Variants in CPEB3 observed in about 807,000 individuals in gnomAD.
CPEB3 encodes the protein cytoplasmic polyadenylation element binding protein 3, also known as cytoplasmic polyadenylation element-binding protein 3.
Under a neutral mutation model 67.2 loss-of-function variants are expected in CPEB3, and 20 were observed. The observed-to-expected ratio is 0.30, with a 90% CI of 0.21 to 0.43. CPEB3 has a LOEUF of 0.43. Among genes scored for constraint, CPEB3 ranks in the 20% least tolerant of loss-of-function variants. The probability of loss-of-function intolerance (pLI) is 1.00; values close to 1 mark genes in which losing one functional copy is unlikely to be tolerated. For synonymous variants in CPEB3, 376 were observed against 393.1 expected, an observed-to-expected ratio of 0.96 and a Z score of 0.51; for missense variants, 746 against 968.6, an observed-to-expected ratio of 0.77 and a Z score of 3.05.
At chr10:92,214,783 G>T (rs994786584) in intron 2 of CPEB3, among the ~76,000 whole-genome samples, 1 of 151,976 alleles carries the variant, frequency 6.6e-6, no homozygotes, top group Non-Finnish European at 1.5e-5. Context: ...ACTATGCCTG[G>T]CTCAAATTTA....
At chr10:92,238,372 C>A (rs1162032814) in intron 2 of CPEB3, among the ~76,000 whole-genome samples, 2 of 152,204 alleles carry the variant, frequency 1.3e-5, no homozygotes, top group Admixed American at 1.3e-4. Context: ...AATAAGGACA[C>A]TCTTCATTTC....
At chr10:92,127,983 T>C (rs1363081926) in intron 6 of CPEB3, among the ~76,000 whole-genome samples, 2 of 152,138 alleles carry the variant, frequency 1.3e-5, no homozygotes, top group East Asian at 1.9e-4. Context: ...ACAACCACAA[T>C]GTACCATTTA....
chr10:92,253,651 A>T (rs1190243629), intron 1 of CPEB3, among the ~76,000 whole-genome samples: 7 of 151,674 alleles, frequency 4.6e-5, no homozygotes, highest in African/African-American at 1.7e-4. Context: ...GCTGAGGTGG[A>T]ATCATCACCA....
intron 1 of CPEB3, among the ~76,000 whole-genome samples, chr10:92,268,977 C>G (rs1853184233): frequency 6.6e-6 from 1 of 152,090 alleles, no homozygotes; most frequent in Admixed American, 6.6e-5. Context: ...ACACTGACCC[C>G]TACTATAGCT....
At chr10:92,208,584 T>C (rs62778562) in intron 2 of CPEB3, among the ~76,000 whole-genome samples, 1 of 119,892 alleles carries the variant, frequency 8.3e-6, no homozygotes. Flanking sequence ...CTGAAAGCCC[T>C]TTTTTTTTTT....
rs191857395 is a variant in CPEB3, at chr10:92,081,514, A to C, written c.1688-13T>G. 1,255 of 1,608,870 alleles carry C rather than the reference A, an allele frequency of 7.8e-4. No individual in the cohort carries two copies. Among genetic ancestry groups the C allele is most frequent in the Non-Finnish European group, 9.1e-4 (1,077 of 1,177,650 alleles). The stretch of plus-strand genomic sequence containing the variant: ...ATTGCCAGTTCAACTGCAAAAAAAA[A>C]ACAAAACATGGATGTGTATAAATAT... On this transcript the variant is annotated splice_polypyrimidine_tract_variant and intron_variant, in intron 8 of 9. Coordinates refer to ENST00000265997, the MANE Select transcript of CPEB3 (RefSeq NM_014912.5).
chr10:92,081,950 A>G (rs1368293683), intron 8 of CPEB3, among the ~76,000 whole-genome samples: 5 of 152,248 alleles, frequency 3.3e-5, no homozygotes, highest in Admixed American at 2.0e-4. Context: ...TAAGCTATAG[A>G]AAGGATTAAC....
At chr10:92,259,661 T>C (rs972401059) in intron 1 of CPEB3, among the ~76,000 whole-genome samples, 1 of 152,188 alleles carries the variant, frequency 6.6e-6, no homozygotes, top group African/African-American at 2.4e-5. Flanking sequence ...TTTGCATTTC[T>C]GTTTACCTCT....
rs1360431439 is a variant in CPEB3 at position 92,147,727 on chromosome 10, AT to A, written c.1223-2643del. 3.9e-5 allele frequency among the ~76,000 whole-genome samples: 6 copies of A among 152,200 alleles called. No individual in the cohort carries two copies. In the East Asian group the frequency reaches 1.2e-3, roughly 29 times the overall value. ...CCCTCCTGGAGATTGGCGGGGAGAG[AT>A]TTTTAGAGTATTTTCACAGGAGGGC... On this transcript the variant is annotated intron_variant, in intron 4 of 9. Transcript: ENST00000265997.
intron 1 of CPEB3, among the ~76,000 whole-genome samples, chr10:92,252,863 C>T (rs987847765): frequency 1.3e-5 from 2 of 151,894 alleles, no homozygotes; most frequent in African/African-American, 4.8e-5. Flanking sequence ...TGCATGAATG[C>T]AATGCTAAGT....
chr10:92,048,634 C>T lies in CPEB3; in HGVS notation c.*3578G>A, dbSNP rs1852181518. 1 of 152,526 alleles carries T rather than the reference C, an allele frequency of 6.6e-6. No individual in the cohort carries two copies. Among genetic ancestry groups the T allele is most frequent in the South Asian group, 2.1e-4 (1 of 4,818 alleles). 9.4% of individuals were successfully genotyped at this position (152,526 alleles called of 1,614,324 possible). On this transcript the variant is annotated 3_prime_UTR_variant, in exon 10 of 10. Transcript: ENST00000265997. This position sits in a 1 kb window ranked among gnomAD's most constrained non-coding sequence, Gnocchi z 4.1. Reference sequence around the variant, plus strand: ...TAAAGGAAAAGGCTTCTCAAAATCTCACATGTTCTGCTCATTCTGTCATTT... The same window carrying T: ...TAAAGGAAAAGGCTTCTCAAAATCTTACATGTTCTGCTCATTCTGTCATTT...
intron 1 of CPEB3, among the ~76,000 whole-genome samples, chr10:92,278,597 G>T (rs148264517): frequency 6.8e-6 from 1 of 147,408 alleles, no homozygotes; most frequent in Non-Finnish European, 1.5e-5. Context: ...CTCATTGACT[G>T]GTTCTTTTTT....
chr10:92,098,195 A>C (rs1843982652), intron 7 of CPEB3, among the ~76,000 whole-genome samples: 1 of 144,480 alleles, frequency 6.9e-6, no homozygotes, highest in Admixed American at 6.9e-5. Context: ...AAAAAAAAAA[A>C]AAAAATCTGT....
intron 4 of CPEB3, among the ~76,000 whole-genome samples, chr10:92,159,789 T>C (rs1224498669): frequency 4.6e-5 from 7 of 152,240 alleles, no homozygotes; most frequent in Non-Finnish European, 1.5e-5. Flanking sequence ...CATTTTCTAC[T>C]ACTTTCCACT....
chr10:92,246,837 G>GA (rs1260808800), intron 1 of CPEB3, among the ~76,000 whole-genome samples: 14 of 152,124 alleles, frequency 9.2e-5, no homozygotes, highest in African/African-American at 3.1e-4. Context: ...CAGTAACATA[G>GA]AAATTTTTAA....
At chr10:92,184,089 T>C (rs569401603) in intron 3 of CPEB3, among the ~76,000 whole-genome samples, 19 of 152,308 alleles carry the variant, frequency 1.2e-4, no homozygotes, top group Admixed American at 3.9e-4. Context: ...GGAAGCTTGG[T>C]AGTTTTCAAA....
chr10:92,183,056 A>G (rs2134102201), intron 3 of CPEB3, among the ~76,000 whole-genome samples: 1 of 152,216 alleles, frequency 6.6e-6, no homozygotes, highest in East Asian at 1.9e-4. Context: ...CCTTATTAGG[A>G]AAAAAATGTT....
intron 2 of CPEB3, among the ~76,000 whole-genome samples, chr10:92,230,085 C>T (rs933907364): frequency 2.0e-5 from 3 of 151,826 alleles, no homozygotes; most frequent in East Asian, 1.9e-4. Context: ...GAATCCGTCA[C>T]AAAAATGTTA....
At chr10:92,238,993 C>CA (rs1199402793) in intron 2 of CPEB3, among the ~76,000 whole-genome samples, 1 of 152,180 alleles carries the variant, frequency 6.6e-6, no homozygotes, top group Non-Finnish European at 1.5e-5. Context: ...ATAGGAATCT[C>CA]AGCCTACTCA....
Sources: gnomAD v4.1 joint callset for allele counts (sites outside exome capture counted in the v4.1 genomes callset) on GRCh38, gnomAD v4.1.1 for gene constraint, Gnocchi (gnomAD v3.1) non-coding constraint, MANE v1.5 for transcripts, NCBI Gene and HGNC (gene_info 2026-07-23, HGNC 2026-07-21) for gene names.